Variants in NAAA observed in about 807,000 individuals in gnomAD.
NAAA encodes the protein N-acylethanolamine acid amidase.
A neutral mutation model predicts 44.8 loss-of-function variants in NAAA; 39 were observed. The ratio of observed to expected loss-of-function variants is 0.87; its 90% CI spans 0.67 to 1.14. The LOEUF (loss-of-function observed/expected upper bound fraction) is 1.14. Ranked by LOEUF, NAAA falls within the 50% of genes most tolerant of loss-of-function variation. The probability of loss-of-function intolerance (pLI) is 0.00; values close to 1 mark genes in which losing one functional copy is unlikely to be tolerated. For missense variants in NAAA, 460 were observed against 467.8 expected, an observed-to-expected ratio of 0.98 and a Z score of 0.15; for synonymous variants, 178 against 191.3, an observed-to-expected ratio of 0.93 and a Z score of 0.58.
intron 2 of NAAA, among the ~76,000 whole-genome samples, chr4:75,937,394 GA>G (rs2149288374): frequency 6.6e-6 from 1 of 152,330 alleles, no homozygotes; most frequent in South Asian, 2.1e-4. Flanking sequence ...ACTCCAGCCT[GA>G]GTAACAGAGT....
intron 9 of NAAA, chr4:75,917,795 A>G (rs1179642593): frequency 2.3e-6 from 1 of 433,434 alleles, no homozygotes; most frequent in East Asian, 7.1e-5. Context: ...AAAAAAAAGA[A>G]AAAGAAATTA....
At chr4:75,939,366 A>G (rs373445884) in intron 2 of NAAA, among the ~76,000 whole-genome samples, 1 of 151,846 alleles carries the variant, frequency 6.6e-6, no homozygotes, top group African/African-American at 2.4e-5. Flanking sequence ...TCCAGATGAG[A>G]GGAGGCTTAG....
intron 3 of NAAA, among the ~76,000 whole-genome samples, chr4:75,932,307 T>C (rs1354018686): frequency 2.0e-5 from 3 of 152,220 alleles, no homozygotes; most frequent in African/African-American, 7.2e-5. Flanking sequence ...ATAAGCTCTG[T>C]GAAGTTAGAA....
In NAAA at chr4:75,914,329, A is replaced by T. The variant is rs971963679; in HGVS notation, c.*46T>A. On this transcript the variant is annotated 3_prime_UTR_variant, in exon 11 of 11. Transcript: ENST00000286733. ...CAGCTCTTCAAGAATTTCATTTTTT[A>T]AAAAATCATCTGTAAGGGAAGAAAA... 226 of 982,180 alleles carry T rather than the reference A, an allele frequency of 2.3e-4. No homozygotes were observed. The highest frequency in any genetic ancestry group is 2.7e-4 in the Non-Finnish European group (220 of 826,866). The allele number at this position is 982,180 out of a possible 1,614,324, so 60.8% of individuals were successfully genotyped here.
chr4:75,914,616 T>C (rs997758359), intron 10 of NAAA, among the ~76,000 whole-genome samples: 1 of 152,114 alleles, frequency 6.6e-6, no homozygotes, highest in Non-Finnish European at 1.5e-5. Flanking sequence ...TGACCTCAAG[T>C]GATCTGCCTG....
At chr4:75,929,749 T>C (rs1474335773) in intron 4 of NAAA, among the ~76,000 whole-genome samples, 1 of 152,158 alleles carries the variant, frequency 6.6e-6, no homozygotes, top group Non-Finnish European at 1.5e-5. Context: ...TGATATATAC[T>C]CAATCACCAT....
chr4:75,919,972 T>C lies in NAAA; in HGVS notation c.906A>G (p.Thr302=), dbSNP rs1725997718. The C allele has an allele frequency of 1.9e-6, 3 of 1,613,936 alleles. No individual in the cohort carries two copies. The highest frequency in any genetic ancestry group is 1.7e-4 in the Middle Eastern group (1 of 6,060). ...TAGCATTAAGGGCCTTGATGGCAGATGTTCTGTAAGGACAAAGGTCGAAGG... is the reference window on the plus strand; with the variant it reads ...TAGCATTAAGGGCCTTGATGGCAGACGTTCTGTAAGGACAAAGGTCGAAGG... ...KPAPKEDDRR[T]SAIKALNATG... The change falls in exon 8 of 11, where the codon ACA becomes ACG. Residue 302 remains threonine (T), a synonymous_variant. Coordinates refer to ENST00000286733, the MANE Select transcript of NAAA (RefSeq NM_014435.4).
rs555725870 is a variant in NAAA, at chr4:75,925,625, C to T, written c.666+110G>A. 15 of 996,424 alleles carry T rather than the reference C, an allele frequency of 1.5e-5. No individual in the cohort carries two copies. In the Admixed American group the frequency reaches 3.1e-4, roughly 21 times the overall value. 61.7% of individuals were successfully genotyped at this position (996,424 alleles called of 1,614,324 possible). ...TATGCACTTTGCAGACATTTAGATG[C>T]TTATTCTTTTAAGGAGCTCCTTACA... is the stretch of plus-strand genomic sequence containing the variant. On this transcript the variant is annotated intron_variant, in intron 5 of 10. Transcript: ENST00000286733.
Position 75,940,755 on chromosome 4 carries a change from C to T in NAAA, c.195G>A (p.Ala65=), listed in dbSNP as rs1255314764. 4 of 1,596,444 alleles carry T rather than the reference C, an allele frequency of 2.5e-6. No individual in the cohort carries two copies. The highest frequency in any genetic ancestry group is 1.7e-6 in the Non-Finnish European group (2 of 1,178,070). Residue 65 remains alanine, a synonymous_variant, in exon 1 of 11, where the codon GCG becomes GCA. Transcript: ENST00000286733. ...GGGCCCCAGCTCACCCGATGACTTGCGCCATCGCGGCGCGCACCAAGTCCA... is the reference window on the plus strand; with the variant it reads ...GGGCCCCAGCTCACCCGATGACTTGTGCCATCGCGGCGCGCACCAAGTCCA... ...YDLDLVRAAM[A]QVIGDRVPKW...
intron 5 of NAAA, among the ~76,000 whole-genome samples, chr4:75,924,686 A>G (rs1265032832): frequency 6.6e-6 from 1 of 152,212 alleles, no homozygotes; most frequent in Non-Finnish European, 1.5e-5. Context: ...GCATAATATT[A>G]TCTCCTATCT....
At chr4:75,922,210 A>C (rs1418759731) in intron 5 of NAAA, among the ~76,000 whole-genome samples, 1 of 151,886 alleles carries the variant, frequency 6.6e-6, no homozygotes, top group East Asian at 1.9e-4. Context: ...AAGGCAAGAA[A>C]ACTCTACAAA....
chr4:75,921,134 G>C lies in NAAA; in HGVS notation c.667-11C>G, dbSNP rs746397654. ...CGACTCACTCAGGGTCTGAACGAAA[G>C]GATGAACTTGCGTGAGCAACCCCAC... is the stretch of plus-strand genomic sequence containing the variant. On this transcript the variant is annotated splice_polypyrimidine_tract_variant and intron_variant, in intron 5 of 10. Coordinates refer to ENST00000286733, the MANE Select transcript of NAAA (RefSeq NM_014435.4). The C allele has an allele frequency of 1.0e-5, 16 of 1,558,524 alleles. No homozygotes were observed. The highest frequency in any genetic ancestry group is 1.4e-5 in the Non-Finnish European group (16 of 1,158,158).
In NAAA at chr4:75,930,358, A is replaced by G. The variant is rs1727118860; in HGVS notation, c.589+856T>C. The G allele has an allele frequency of 4.5e-6, 2 of 444,412 alleles. 1 individual carries two copies. The highest frequency in any genetic ancestry group is 3.5e-5 in the South Asian group (2 of 57,184). The allele number at this position is 444,412 out of a possible 1,614,324, so 27.5% of individuals were successfully genotyped here. On this transcript the variant is annotated intron_variant, in intron 4 of 10. Transcript: ENST00000286733. The stretch of plus-strand genomic sequence containing the variant: ...CAGAGCAATTGGGTCAGGACCCAGG[A>G]GAGCAATCTGAGAACTTCCTCTCCC...
At position 75,935,860 on chromosome 4, in the gene NAAA, C is replaced by CTTTT. The variant is rs1310471115; in HGVS notation, c.498+248_498+249insAAAA. On this transcript the variant is annotated intron_variant, in intron 3 of 10. Coordinates refer to ENST00000286733, the MANE Select transcript of NAAA (RefSeq NM_014435.4). ...GCATAAGTGGATGATTGATCACTCT[C>CTTTT]TAAAAGAGATTTCCCTATGGAAAAC... The CTTTT allele has an allele frequency of 5.2e-6, 3 of 578,894 alleles. No homozygotes were observed. In the African/African-American group the frequency reaches 5.7e-5, roughly 11 times the overall value. 35.9% of individuals were successfully genotyped at this position (578,894 alleles called of 1,614,324 possible). A position where few individuals can be genotyped will look rare whatever the true frequency, so the allele number is the denominator to read the frequency against.
In NAAA at chr4:75,933,030, G is replaced by A. The variant is rs1203036756; in HGVS notation, c.499-1726C>T. 4.0e-5 allele frequency among the ~76,000 whole-genome samples: 6 copies of A among 151,490 alleles called. No homozygotes were observed. The East Asian group carries it at 1.2e-3, about 30-fold the overall frequency. ...CGCACCTGTGGTCCCAGCTACTCGG[G>A]AGGCTAAGGCAGGAGAATCGCTTGA... is the stretch of plus-strand genomic sequence containing the variant. On this transcript the variant is annotated intron_variant, in intron 3 of 10. Coordinates refer to ENST00000286733, the MANE Select transcript of NAAA (RefSeq NM_014435.4).
chr4:75,922,724 T>C (rs1726287961), intron 5 of NAAA, among the ~76,000 whole-genome samples: 3 of 152,250 alleles, frequency 2.0e-5, no homozygotes, highest in Admixed American at 2.0e-4. Flanking sequence ...TTAATCTGCC[T>C]TTTGTGAGTT....
In NAAA at chr4:75,914,028, T is replaced by A. The variant is rs1725446114; in HGVS notation, c.*347A>T. 2 of 985,412 alleles carry A rather than the reference T, an allele frequency of 2.0e-6. No homozygotes were observed. Among genetic ancestry groups the A allele is most frequent in the African/African-American group, 1.7e-5 (1 of 57,348 alleles). 61.0% of individuals were successfully genotyped at this position (985,412 alleles called of 1,614,324 possible). On this transcript the variant is annotated 3_prime_UTR_variant, in exon 11 of 11. Transcript: ENST00000286733. Reference sequence around the variant, plus strand: ...CATTAGCGGAGAAGCAAAGGTATGATGGCAGAATCATGAGAAGATGGAAAT... The same window carrying A: ...CATTAGCGGAGAAGCAAAGGTATGAAGGCAGAATCATGAGAAGATGGAAAT...
At chr4:75,912,290 C>T (rs1725356323), downstream of NAAA, among the ~76,000 whole-genome samples, 2 of 151,852 alleles carry the variant, frequency 1.3e-5, no homozygotes, top group South Asian at 4.2e-4. Context: ...CGCGGTGGCT[C>T]ACGCCTGTAA....
At chr4:75,916,915 G>C (rs892092110) in intron 9 of NAAA, 1 of 154,686 alleles carries the variant, frequency 6.5e-6, no homozygotes, top group Non-Finnish European at 1.4e-5. Context: ...AAGTAGCTGG[G>C]ATTACAGGCA....
Sources: gnomAD v4.1 joint callset for allele counts (sites outside exome capture counted in the v4.1 genomes callset) on GRCh38, gnomAD v4.1.1 for gene constraint, MANE v1.5 for transcripts, NCBI Gene and HGNC (gene_info 2026-07-23, HGNC 2026-07-21) for gene names.